The following OR56A3 variants were observed in gnomAD, a reference collection of about 807,000 sequenced individuals.
OR56A3 encodes the protein olfactory receptor 56A3.
Under a neutral mutation model 17.5 loss-of-function variants are expected in OR56A3, and 23 were observed. The ratio of observed to expected loss-of-function variants is 1.32; its 90% CI spans 0.95 to 1.87. The LOEUF (loss-of-function observed/expected upper bound fraction) is 1.87. OR56A3 is among the 40% of genes most tolerant of loss of function. OR56A3 has a pLI of 0.00. For synonymous variants in OR56A3, 175 were observed against 150.6 expected, an observed-to-expected ratio of 1.16 and a Z score of -1.19; for missense variants, 366 against 380.1, an observed-to-expected ratio of 0.96 and a Z score of 0.31.
At chr11:5,944,170 C>T (rs1847855282) in intron 1 of OR56A3, among the ~76,000 whole-genome samples, 1 of 152,178 alleles carries the variant, frequency 6.6e-6, no homozygotes, top group Admixed American at 6.5e-5. Flanking sequence ...CAGTGAGCCA[C>T]TCTATCAAGG....
the OR56A3 span, among the ~76,000 whole-genome samples, chr11:5,961,208 G>C: frequency 2.6e-5 from 4 of 151,968 alleles, no homozygotes; most frequent in Non-Finnish European, 2.9e-5. Flanking sequence ...CGTCTGGAAA[G>C]TGAGGAGCCC....
Sources: gnomAD v4.1 joint callset for allele counts (sites outside exome capture counted in the v4.1 genomes callset) on GRCh38, gnomAD v4.1.1 for gene constraint, MANE v1.5 for transcripts, NCBI Gene and HGNC (gene_info 2026-07-23, HGNC 2026-07-21) for gene names.